The following TIGIT variants were observed in gnomAD, a reference collection of about 807,000 sequenced individuals.
The protein encoded by TIGIT is T cell immunoreceptor with Ig and ITIM domains, also known as T-cell immunoreceptor with Ig and ITIM domains.
A neutral mutation model predicts 19.6 loss-of-function variants in TIGIT; 11 were observed. The observed-to-expected ratio is 0.56, with a 90% CI of 0.35 to 0.93. The LOEUF (loss-of-function observed/expected upper bound fraction) is 0.93, where lower values mean the gene tolerates loss of function less well. TIGIT is among the 40% of genes least tolerant of loss of function. The probability of loss-of-function intolerance (pLI) is 0.01; values close to 1 mark genes in which losing one functional copy is unlikely to be tolerated. For missense variants in TIGIT, 295 were observed against 303.9 expected (o/e 0.97, Z 0.22); for synonymous variants, 130 against 125.5 (o/e 1.04, Z -0.24).
rs1455655455 is a variant in TIGIT, at chr3:114,308,949, T to G, written c.*818T>G. On this transcript the variant is annotated 3_prime_UTR_variant, in exon 4 of 4. Coordinates refer to ENST00000383671, the MANE Select transcript of TIGIT (RefSeq NM_173799.4). The stretch of plus-strand genomic sequence containing the variant: ...ATTCTCTGGGCAGGCATTTCAAGTT[T>G]CCTTTTGCTGTGACATACTCATCCA... 3 of 152,246 alleles carry G rather than the reference T, an allele frequency of 2.0e-5. No individual in the cohort carries two copies. The highest frequency in any genetic ancestry group is 7.2e-5 in the African/African-American group (3 of 41,442). 9.4% of individuals were successfully genotyped at this position (152,246 alleles called of 1,614,324 possible). A position where few individuals can be genotyped will look rare whatever the true frequency, so the allele number is the denominator to read the frequency against.
rs965470304 is a variant in TIGIT at position 114,309,383 on chromosome 3, G to C, written c.*1252G>C. The C allele has an allele frequency of 6.6e-6, 1 of 152,138 alleles. No homozygotes were observed. Among genetic ancestry groups the C allele is most frequent in the Non-Finnish European group, 1.5e-5 (1 of 68,028 alleles). 9.4% of individuals were successfully genotyped at this position (152,138 alleles called of 1,614,324 possible). On this transcript the variant is annotated 3_prime_UTR_variant, in exon 4 of 4. Transcript: ENST00000383671. ...ACCATCTCTCTCAGAGGAATGAGCGGGGAGGTTGGATTTACTGGTGACTGA... is the reference window on the plus strand; with the variant it reads ...ACCATCTCTCTCAGAGGAATGAGCGCGGAGGTTGGATTTACTGGTGACTGA...
Position 114,308,233 on chromosome 3 carries a change from G to GTGTA in TIGIT, c.*106_*109dup. On this transcript the variant is annotated 3_prime_UTR_variant, in exon 4 of 4. Coordinates refer to ENST00000383671, the MANE Select transcript of TIGIT (RefSeq NM_173799.4). ...ATCAGTGCTGCGTGTGTGTGTGTGT[G>GTGTA]TGTATGTGTGTGTGTGTTCAGTTGA... 1.2e-6 allele frequency: 1 copy of GTGTA among 836,866 alleles called. No homozygotes were observed. The highest frequency in any genetic ancestry group is 2.0e-6 in the Non-Finnish European group (1 of 508,752). The allele number at this position is 836,866 out of a possible 1,614,324, so 51.8% of individuals were successfully genotyped here.
chr3:114,294,043 A>G lies in TIGIT; in HGVS notation c.-19A>G. On this transcript the variant is annotated 5_prime_UTR_variant, in exon 1 of 4. Transcript: ENST00000383671. ...AGAAGAGGCCACATCTGCTTCCTGTAGGCCCTCTGGGCAGAAGCATGCGCT... is the reference window on the plus strand; with the variant it reads ...AGAAGAGGCCACATCTGCTTCCTGTGGGCCCTCTGGGCAGAAGCATGCGCT... 1 of 1,546,996 alleles carries G rather than the reference A, an allele frequency of 6.5e-7. No individual in the cohort carries two copies. The highest frequency in any genetic ancestry group is 8.8e-7 in the Non-Finnish European group (1 of 1,142,512).
chr3:114,304,134 G>A (rs192012724), intron 3 of TIGIT, among the ~76,000 whole-genome samples: 20 of 151,470 alleles, frequency 1.3e-4, no homozygotes, highest in Admixed American at 3.9e-4. Context: ...TGAGTTCCTT[G>A]TAGATTCTGG....
chr3:114,308,292 T>G lies in TIGIT; in HGVS notation c.*161T>G. ...ATGTCATCCTCTTCTCCATCTTCAT[T>G]TCCTTGGCCTTTTCGTTCTATTCCA... On this transcript the variant is annotated 3_prime_UTR_variant, in exon 4 of 4. Transcript: ENST00000383671. 3.1e-6 allele frequency: 2 copies of G among 649,752 alleles called. No individual in the cohort carries two copies. The highest frequency in any genetic ancestry group is 5.4e-6 in the Non-Finnish European group (2 of 371,854). 40.2% of individuals were successfully genotyped at this position (649,752 alleles called of 1,614,324 possible). A position where few individuals can be genotyped will look rare whatever the true frequency, so the allele number is the denominator to read the frequency against.
At chr3:114,298,618 T>C (rs1205283435) in intron 2 of TIGIT, among the ~76,000 whole-genome samples, 1 of 152,242 alleles carries the variant, frequency 6.6e-6, no homozygotes, top group Non-Finnish European at 1.5e-5. Flanking sequence ...TGGCTATGGC[T>C]AACCAGAAGC....
intron 3 of TIGIT, 175 bp from the exon 4 acceptor site, chr3:114,307,720 A>G (rs1307895063): frequency 6.4e-6 from 4 of 621,342 alleles, no homozygotes; most frequent in Non-Finnish European, 1.1e-5. Context: ...ACTAGTTAGC[A>G]TTTAAATCTA....
chr3:114,297,985 C>A (rs906286144), intron 2 of TIGIT, among the ~76,000 whole-genome samples: 2 of 152,230 alleles, frequency 1.3e-5, no homozygotes, highest in South Asian at 4.1e-4. Context: ...TAGCACAAAC[C>A]CTGGCTTCTT....
chr3:114,294,710 C>T (rs2078442084), intron 1 of TIGIT, among the ~76,000 whole-genome samples: 1 of 152,086 alleles, frequency 6.6e-6, no homozygotes, highest in Non-Finnish European at 1.5e-5. Flanking sequence ...CCCAGGGTTG[C>T]TGGGGAGAGG....
At chr3:114,303,606 T>C (rs1560033673) in intron 3 of TIGIT, among the ~76,000 whole-genome samples, 858 of 63,272 alleles carry the variant, frequency 0.014, 60 homozygotes, top group Middle Eastern at 0.029. Context: ...TGTATATATA[T>C]ATATACATAT....
chr3:114,296,575 G>A (rs532644761), intron 2 of TIGIT, among the ~76,000 whole-genome samples: 49 of 152,308 alleles, frequency 3.2e-4, no homozygotes, highest in Non-Finnish European at 5.4e-4. Flanking sequence ...GACCTTATGC[G>A]ATGCTAATGT....
chr3:114,296,805 T>A (rs2078456100), intron 2 of TIGIT, among the ~76,000 whole-genome samples: 2 of 152,196 alleles, frequency 1.3e-5, no homozygotes, highest in Non-Finnish European at 2.9e-5. Flanking sequence ...GTCAGTTATG[T>A]TGAAGATTAA....
intron 1 of TIGIT, 148 bp from the exon 2 acceptor site, chr3:114,295,397 C>T (rs987755523): frequency 1.5e-6 from 1 of 679,668 alleles, no homozygotes; most frequent in Non-Finnish European, 2.6e-6. Context: ...GAAATAATTA[C>T]AGCCTCTATG....
chr3:114,299,683 G>A lies in TIGIT; in HGVS notation c.478G>A (p.Val160Met), dbSNP rs779221087. Residue 160 changes from valine to methionine, a missense_variant, in exon 3 of 4, where the codon GTG (valine) becomes ATG (methionine). Val to Met is a conservative substitution (Grantham distance 21). Coordinates refer to ENST00000383671, the MANE Select transcript of TIGIT (RefSeq NM_173799.4). ...GGTCATCTGCACAGCAGTCATCGTGGTGGTCGCGTTGACTAGAAAGGTAAT... is the reference window on the plus strand; with the variant it reads ...GGTCATCTGCACAGCAGTCATCGTGATGGTCGCGTTGACTAGAAAGGTAAT... ...LVVICTAVIV[V>M]VALTRKKKAL... is the part of the protein sequence containing the mutation. 5 of 1,612,104 alleles carry A rather than the reference G, an allele frequency of 3.1e-6. No homozygotes were observed. The highest frequency in any genetic ancestry group is 4.2e-6 in the Non-Finnish European group (5 of 1,179,356).
At chr3:114,296,142 A>G (rs1433247033) in intron 2 of TIGIT, 1 of 382,756 alleles carries the variant, frequency 2.6e-6, no homozygotes, top group Non-Finnish European at 4.7e-6. Context: ...TTATGTAAGA[A>G]GCACATCTTA....
chr3:114,306,766 G>A (rs116175735), intron 3 of TIGIT, among the ~76,000 whole-genome samples: 2,434 of 116,532 alleles, frequency 0.021, 57 homozygotes, highest in African/African-American at 0.067. Flanking sequence ...TATGAGGAAT[G>A]TAGTGAAATT....
intron 3 of TIGIT, among the ~76,000 whole-genome samples, chr3:114,303,141 T>C: frequency 6.6e-6 from 1 of 152,238 alleles, no homozygotes; most frequent in Middle Eastern, 3.4e-3. Context: ...TAATTTTTTA[T>C]ATATTTTTTA....
chr3:114,310,018 C>G lies in TIGIT; in HGVS notation c.*1887C>G, dbSNP rs2078561488. 1 of 152,170 alleles carries G rather than the reference C, an allele frequency of 6.6e-6. No homozygotes were observed. The highest frequency in any genetic ancestry group is 1.5e-5 in the Non-Finnish European group (1 of 68,026). The allele number at this position is 152,170 out of a possible 1,614,324, so 9.4% of individuals were successfully genotyped here. A position where few individuals can be genotyped will look rare whatever the true frequency, so the allele number is the denominator to read the frequency against. On this transcript the variant is annotated 3_prime_UTR_variant, in exon 4 of 4. Coordinates refer to ENST00000383671, the MANE Select transcript of TIGIT (RefSeq NM_173799.4). ...AGAACTCACTGAACTAGATTCTCCT[C>G]TGAGAACCAGAGAAGACCATTTCAT...
chr3:114,298,824 T>C (rs561886723), intron 2 of TIGIT, among the ~76,000 whole-genome samples: 1 of 152,342 alleles, frequency 6.6e-6, no homozygotes, highest in South Asian at 2.1e-4. Flanking sequence ...ACCTGAGCCC[T>C]ACCTGAGCTG....
Sources: gnomAD v4.1 joint callset for allele counts (sites outside exome capture counted in the v4.1 genomes callset) on GRCh38, gnomAD v4.1.1 for gene constraint, MANE v1.5 for transcripts, NCBI Gene and HGNC (gene_info 2026-07-23, HGNC 2026-07-21) for gene names.